The following TCF7L2 variants were observed in gnomAD, a reference collection of about 807,000 sequenced individuals.
The protein encoded by TCF7L2 is transcription factor 7 like 2.
Under a neutral mutation model 77.9 loss-of-function variants are expected in TCF7L2, and 23 were observed. The observed-to-expected ratio is 0.30, with a 90% CI of 0.21 to 0.42. The LOEUF (loss-of-function observed/expected upper bound fraction) is 0.42. TCF7L2 is among the 10% of genes least tolerant of loss of function. The pLI, the probability that TCF7L2 is intolerant of heterozygous loss-of-function variation, is 1.00. For missense variants in TCF7L2, 654 were observed against 793.1 expected (o/e 0.82, Z 2.11); for synonymous variants, 413 against 340.2 (o/e 1.21, Z -2.36).
chr10:112,985,754 C>A (rs567837241), intron 4 of TCF7L2, among the ~76,000 whole-genome samples: 13 of 152,226 alleles, frequency 8.5e-5, no homozygotes, highest in South Asian at 2.1e-4. Flanking sequence ...AATGCCCCCC[C>A]CTTCACTTGG....
At chr10:113,039,981 C>A (rs754235320) in intron 4 of TCF7L2, 44 bp from the exon 5 acceptor site, 8 of 1,568,178 alleles carry the variant, frequency 5.1e-6, no homozygotes, top group Non-Finnish European at 7.0e-6. Flanking sequence ...CATTTACTTT[C>A]TGAATTCATT....
intron 4 of TCF7L2, among the ~76,000 whole-genome samples, chr10:113,012,380 T>C (rs2046612076): frequency 6.6e-6 from 1 of 152,184 alleles, no homozygotes; most frequent in Non-Finnish European, 1.5e-5. Flanking sequence ...ATCGGGATAG[T>C]GTTCTTACTT....
chr10:112,964,772 G>GTGA (rs2036198431), intron 4 of TCF7L2, 148 bp downstream of exon 4: 1 of 653,518 alleles, frequency 1.5e-6, no homozygotes, highest in African/African-American at 1.9e-5. Context: ...GGTGGTGGTG[G>GTGA]TGGTGATGGT....
At chr10:113,117,434 C>CCTCTCTCTCTCTCT (rs869299420) in intron 5 of TCF7L2, among the ~76,000 whole-genome samples, 4 of 39,760 alleles carry the variant, frequency 1.0e-4, no homozygotes, top group South Asian at 9.8e-4. Context: ...TCTCTCTCTC[C>CCTCTCTCTCTCTCT]CTCTCTCTCT....
At chr10:113,003,774 C>A (rs1337791657) in intron 4 of TCF7L2, among the ~76,000 whole-genome samples, 1 of 152,176 alleles carries the variant, frequency 6.6e-6, no homozygotes, top group Admixed American at 6.5e-5. Flanking sequence ...TATCAATCAA[C>A]GTCAGGATCT....
At chr10:113,159,949 C>T in intron 12 of TCF7L2, 1 of 1,608,434 alleles carries the variant, frequency 6.2e-7, no homozygotes, top group South Asian at 1.1e-5. Context: ...ATGCCGAGCG[C>T]GCTTTGGCCT....
At chr10:112,995,792 C>T (rs192962093) in intron 4 of TCF7L2, among the ~76,000 whole-genome samples, 2 of 152,202 alleles carry the variant, frequency 1.3e-5, no homozygotes, top group East Asian at 1.9e-4. Flanking sequence ...GTGATCATGC[C>T]CTGGCCTCTT....
At chr10:113,085,958 G>C (rs544648027) in intron 5 of TCF7L2, among the ~76,000 whole-genome samples, 2 of 152,192 alleles carry the variant, frequency 1.3e-5, no homozygotes, top group Non-Finnish European at 2.9e-5. Flanking sequence ...TGCCAGTGGC[G>C]GTGACAGGGA....
chr10:113,038,535 G>A (rs1318489164), intron 4 of TCF7L2, among the ~76,000 whole-genome samples: 2 of 152,166 alleles, frequency 1.3e-5, no homozygotes, highest in Admixed American at 6.5e-5. Flanking sequence ...GAACTCCGTC[G>A]GCTGGCTTGT....
chr10:113,119,984 G>A (rs1165083093), intron 5 of TCF7L2, among the ~76,000 whole-genome samples: 2 of 152,138 alleles, frequency 1.3e-5, no homozygotes, highest in South Asian at 2.1e-4. Context: ...ATCAGTTAGC[G>A]CTTCTTCTTC....
At chr10:113,100,471 G>A (rs1364058591) in intron 5 of TCF7L2, among the ~76,000 whole-genome samples, 1 of 151,454 alleles carries the variant, frequency 6.6e-6, no homozygotes, top group Non-Finnish European at 1.5e-5. Context: ...ACACCCACGT[G>A]AGAAGGTGTA....
intron 4 of TCF7L2, among the ~76,000 whole-genome samples, chr10:112,988,284 T>C (rs1193526650): frequency 6.6e-6 from 1 of 151,870 alleles, no homozygotes; most frequent in Admixed American, 6.6e-5. Context: ...TTTTTAGTAG[T>C]GATGGGGTTT....
chr10:112,974,786 A>T (rs75124120), intron 4 of TCF7L2, among the ~76,000 whole-genome samples: 5 of 152,184 alleles, frequency 3.3e-5, no homozygotes, highest in Non-Finnish European at 7.4e-5. Flanking sequence ...TGTAAATTCT[A>T]CTTTATAATA....
chr10:113,083,215 T>TG (rs1249134975), intron 5 of TCF7L2, among the ~76,000 whole-genome samples: 2 of 150,700 alleles, frequency 1.3e-5, no homozygotes, highest in Non-Finnish European at 1.5e-5. Context: ...CCTGGACACT[T>TG]GCCATTCGTG....
intron 5 of TCF7L2, among the ~76,000 whole-genome samples, chr10:113,115,531 A>AT (rs1242392168): frequency 1.3e-5 from 2 of 151,870 alleles, no homozygotes; most frequent in South Asian, 2.1e-4. Flanking sequence ...GGTTATTCTA[A>AT]TTTTTTTTCC....
At chr10:112,995,220 A>G (rs548290034) in intron 4 of TCF7L2, among the ~76,000 whole-genome samples, 1 of 152,328 alleles carries the variant, frequency 6.6e-6, no homozygotes, top group African/African-American at 2.4e-5. Flanking sequence ...GTGGAAGGAA[A>G]CTTTGGGATG....
chr10:113,146,142 T>C (rs745705154), intron 8 of TCF7L2, 45 bp downstream of exon 8: 15 of 1,589,502 alleles, frequency 9.4e-6, no homozygotes, highest in Non-Finnish European at 1.3e-5. Flanking sequence ...CATGTGTGAC[T>C]TCTCAAGAAG....
intron 5 of TCF7L2, among the ~76,000 whole-genome samples, chr10:113,057,935 G>A (rs2055683894): frequency 3.9e-5 from 6 of 152,222 alleles, no homozygotes; most frequent in Admixed American, 3.9e-4. Flanking sequence ...GCTGGGGGCT[G>A]TTTGAGATGG....
chr10:112,951,313 C>T, intron 2 of TCF7L2, 40 bp downstream of exon 2: 1 of 1,040,206 alleles, frequency 9.6e-7, no homozygotes, highest in Non-Finnish European at 1.2e-6. Context: ...CCCGGAGCCG[C>T]CCCCCGGGCC....
Sources: gnomAD v4.1 joint callset for allele counts (sites outside exome capture counted in the v4.1 genomes callset) on GRCh38, gnomAD v4.1.1 for gene constraint, MANE v1.5 for transcripts, NCBI Gene and HGNC (gene_info 2026-07-23, HGNC 2026-07-21) for gene names.